Variants in CCDC122 observed in about 807,000 individuals in gnomAD.
The protein encoded by CCDC122 is coiled-coil domain containing 122.
CCDC122 carries 38 observed loss-of-function variants against 37.0 expected under a neutral mutation model. The ratio of observed to expected loss-of-function variants is 1.03; its 90% CI spans 0.79 to 1.35. The LOEUF (loss-of-function observed/expected upper bound fraction) is 1.35. Ranked by LOEUF, CCDC122 falls within the 40% of genes most tolerant of loss-of-function variation. CCDC122 has a pLI of 0.00. For synonymous variants in CCDC122, 83 were observed against 95.6 expected (o/e 0.87, Z 0.77); for missense variants, 305 against 310.0 (o/e 0.98, Z 0.12).
At chr13:43,872,670 A>G (rs755462618) in intron 2 of CCDC122, among the ~76,000 whole-genome samples, 1 of 152,084 alleles carries the variant, frequency 6.6e-6, no homozygotes, top group Non-Finnish European at 1.5e-5. Context: ...TCTTGCTCCT[A>G]TCTAAGGCCA....
intron 6 of CCDC122, among the ~76,000 whole-genome samples, chr13:43,839,513 G>C (rs1431830542): frequency 6.6e-6 from 1 of 152,060 alleles, no homozygotes; most frequent in Non-Finnish European, 1.5e-5. Context: ...ATTTGAGTTG[G>C]TTCCACTTTC....
chr13:43,838,647 A>G (rs1953243699), intron 6 of CCDC122, among the ~76,000 whole-genome samples: 1 of 152,216 alleles, frequency 6.6e-6, no homozygotes, highest in South Asian at 2.1e-4. Context: ...CACAAGGCTG[A>G]GCAAGTTTCC....
intron 3 of CCDC122, among the ~76,000 whole-genome samples, chr13:43,831,316 C>A (rs1953087136): frequency 6.6e-6 from 1 of 152,016 alleles, no homozygotes; most frequent in Non-Finnish European, 1.5e-5. Context: ...GCTGAGATCC[C>A]TGTGCATGAG....
At chr13:43,832,383 A>T (rs1449197493), downstream of CCDC122, among the ~76,000 whole-genome samples, 1 of 152,192 alleles carries the variant, frequency 6.6e-6, no homozygotes, top group Non-Finnish European at 1.5e-5. Context: ...TCACTATAGT[A>T]TTCACATAGC....
chr13:43,850,942 T>G (rs1282924598), intron 6 of CCDC122, among the ~76,000 whole-genome samples: 2 of 151,908 alleles, frequency 1.3e-5, no homozygotes. Context: ...AGACAGAAAA[T>G]CTTGAAGACA....
intron 4 of CCDC122, among the ~76,000 whole-genome samples, chr13:43,863,696 T>C (rs1954186157): frequency 6.6e-6 from 1 of 152,032 alleles, no homozygotes; most frequent in Non-Finnish European, 1.5e-5. Context: ...TGTGTGTGTG[T>C]GTGTGTGCCT....
intron 1 of CCDC122, among the ~76,000 whole-genome samples, chr13:43,878,409 G>A (rs930844560): frequency 1.3e-5 from 2 of 152,104 alleles, no homozygotes; most frequent in African/African-American, 4.8e-5. Flanking sequence ...CTGGTGCTAG[G>A]GTTATTGAAG....
At chr13:43,841,616 GATTT>G (rs1458585310) in intron 6 of CCDC122, among the ~76,000 whole-genome samples, 1 of 152,094 alleles carries the variant, frequency 6.6e-6, no homozygotes, top group Non-Finnish European at 1.5e-5. Flanking sequence ...AGGCTGATAG[GATTT>G]CTTTCTTTAC....
chr13:43,825,967 G>T (rs1179419790), intron 3 of CCDC122, among the ~76,000 whole-genome samples: 1 of 152,144 alleles, frequency 6.6e-6, no homozygotes, highest in African/African-American at 2.4e-5. Flanking sequence ...AGAACTGGAA[G>T]TATTTAACCC....
intron 6 of CCDC122, among the ~76,000 whole-genome samples, chr13:43,841,102 C>G (rs7328830): frequency 0.89 from 135,831 of 152,246 alleles, 61,369 homozygotes; most frequent in South Asian, 0.98. Context: ...GCAGTGCACC[C>G]ATCACAATTT....
At chr13:43,857,916 AAAT>A (rs899475247) in intron 6 of CCDC122, among the ~76,000 whole-genome samples, 3 of 152,098 alleles carry the variant, frequency 2.0e-5, no homozygotes, top group African/African-American at 7.2e-5. Context: ...AATAAAGAAA[AAAT>A]AATAATAATA....
chr13:43,840,543 C>A (rs1953314559), intron 6 of CCDC122, among the ~76,000 whole-genome samples: 1 of 152,034 alleles, frequency 6.6e-6, no homozygotes. Context: ...CCCCACCCCA[C>A]AACAGGCCCC....
intron 4 of CCDC122, among the ~76,000 whole-genome samples, chr13:43,860,572 G>A (rs1954072763): frequency 6.7e-6 from 1 of 148,912 alleles, no homozygotes. Context: ...TTGCCTCCCT[G>A]GGGCATTTTG....
intron 4 of CCDC122, among the ~76,000 whole-genome samples, chr13:43,868,125 T>G (rs1566953513): frequency 6.6e-6 from 1 of 152,164 alleles, no homozygotes; most frequent in Non-Finnish European, 1.5e-5. Flanking sequence ...CCTACTCTTC[T>G]CATTTCTATG....
chr13:43,848,123 G>A (rs955418132), intron 6 of CCDC122, among the ~76,000 whole-genome samples: 1 of 152,080 alleles, frequency 6.6e-6, no homozygotes, highest in African/African-American at 2.4e-5. Flanking sequence ...AATCATTTCT[G>A]TTGCTGACCT....
chr13:43,844,330 T>C lies in CCDC122; in HGVS notation c.673-6901A>G, dbSNP rs1353275255. Reference sequence around the variant, plus strand: ...AGTATGGTCAATTTCCAAAAGCTTATGTATTTTCTAGCTATCTCATTGTTA... The same window carrying C: ...AGTATGGTCAATTTCCAAAAGCTTACGTATTTTCTAGCTATCTCATTGTTA... On this transcript the variant is annotated intron_variant, in intron 6 of 6. Coordinates refer to ENST00000444614, the MANE Select transcript of CCDC122 (RefSeq NM_144974.5). 5.9e-5 allele frequency among the ~76,000 whole-genome samples: 9 copies of C among 152,168 alleles called. No homozygotes were observed. In the East Asian group the frequency reaches 9.6e-4, roughly 16 times the overall value.
Position 43,868,693 on chromosome 13 carries a change from C to T in CCDC122, c.156+1G>A. 6.6e-7 allele frequency: 1 copy of T among 1,511,072 alleles called. No homozygotes were observed. Among genetic ancestry groups the T allele is most frequent in the East Asian group, 2.4e-5 (1 of 42,180 alleles). 93.6% of individuals were successfully genotyped at this position (1,511,072 alleles called of 1,614,324 possible). On this transcript the variant is annotated splice_donor_variant, in intron 4 of 6. Transcript: ENST00000444614. LOFTEE classifies it high-confidence loss of function. The stretch of plus-strand genomic sequence containing the variant: ...TTTAAAAGACTATATAAAGAAGTTA[C>T]CTTCAAATTGAACAGAACCTTTTTG...
At chr13:43,824,498 AAAGAGTTTATGACT>A (rs1317844772) in intron 3 of CCDC122, among the ~76,000 whole-genome samples, 1 of 152,262 alleles carries the variant, frequency 6.6e-6, no homozygotes, top group East Asian at 1.9e-4. Flanking sequence ...CAGCCTAGGC[AAAGAGTTTATGACT>A]AAGTCTTCAA....
At chr13:43,869,026 T>G (rs533105442) in intron 3 of CCDC122, among the ~76,000 whole-genome samples, 2 of 152,152 alleles carry the variant, frequency 1.3e-5, no homozygotes, top group South Asian at 4.1e-4. Flanking sequence ...TACCCGTTCC[T>G]CTACGGAACA....
Sources: gnomAD v4.1 joint callset for allele counts (sites outside exome capture counted in the v4.1 genomes callset) on GRCh38, gnomAD v4.1.1 for gene constraint, MANE v1.5 for transcripts, NCBI Gene and HGNC (gene_info 2026-07-23, HGNC 2026-07-21) for gene names.